P4HA1: variants seen among roughly 807,000 people sequenced by gnomAD.
The protein encoded by P4HA1 is prolyl 4-hydroxylase subunit alpha 1.
In P4HA1, 24 loss-of-function variants were observed where a neutral mutation model predicts 72.8. That is an observed-to-expected ratio of 0.33 (90% CI 0.24 to 0.46). The LOEUF is 0.46. Among genes scored for constraint, P4HA1 ranks in the 20% least tolerant of loss-of-function variants. P4HA1 has a pLI of 1.00. For missense variants in P4HA1, 446 were observed against 640.6 expected, an observed-to-expected ratio of 0.70 and a Z score of 3.28; for synonymous variants, 201 against 218.8, an observed-to-expected ratio of 0.92 and a Z score of 0.72.
intron 9 of P4HA1, among the ~76,000 whole-genome samples, chr10:73,041,329 G>A (rs1840727910): frequency 6.6e-6 from 1 of 152,024 alleles, no homozygotes; most frequent in Non-Finnish European, 1.5e-5. Flanking sequence ...CGGGTCACGA[G>A]GTCAGGAGAT....
chr10:73,052,914 T>G (rs941336554), intron 6 of P4HA1, among the ~76,000 whole-genome samples: 3 of 152,230 alleles, frequency 2.0e-5, no homozygotes, highest in African/African-American at 7.2e-5. Context: ...CTGTTCAAAG[T>G]ACTACTGATA....
intron 3 of P4HA1, 41 bp from the exon 4 acceptor site, chr10:73,072,221 T>G (rs373321149): frequency 2.2e-5 from 33 of 1,515,686 alleles, no homozygotes; most frequent in Non-Finnish European, 3.0e-5. Flanking sequence ...TTATATTTCA[T>G]AGGGAAAAAC....
chr10:73,093,837 C>T (rs1477705460), intron 1 of P4HA1, among the ~76,000 whole-genome samples: 2 of 54,120 alleles, frequency 3.7e-5, no homozygotes, highest in South Asian at 7.9e-4. Flanking sequence ...AGTGAAACTC[C>T]ATCTCAAAAA....
intron 1 of P4HA1, among the ~76,000 whole-genome samples, chr10:73,094,926 C>T (rs905088518): frequency 3.9e-5 from 6 of 152,052 alleles, no homozygotes; most frequent in East Asian, 1.9e-4. Flanking sequence ...TGTAATTATC[C>T]GCCTACCAAA....
chr10:73,012,526 T>C (rs1839928498), intron 12 of P4HA1, among the ~76,000 whole-genome samples: 2 of 152,092 alleles, frequency 1.3e-5, no homozygotes. Context: ...TTACCTCCTT[T>C]TGGAAACAAG....
rs185214848 is a variant in P4HA1, at chr10:73,047,713, A to T, written c.901-612T>A. Among the ~76,000 whole-genome samples, 85 of 152,254 alleles carry T rather than the reference A, an allele frequency of 5.6e-4. 2 individuals carry two copies. Among genetic ancestry groups the T allele is most frequent in the Non-Finnish European group, 4.4e-5 (3 of 68,014 alleles). ...ACAAATTCCCTTCAATCATCTATGT[A>T]TTATATTAATAAGTTATTTTGTTGC... On this transcript the variant is annotated intron_variant, in intron 7 of 14. Transcript: ENST00000394890.
intron 10 of P4HA1, among the ~76,000 whole-genome samples, chr10:73,018,282 C>T (rs1381835814): frequency 2.6e-5 from 4 of 152,164 alleles, no homozygotes; most frequent in African/African-American, 9.7e-5. Context: ...AGCACATCAC[C>T]CTTGGGGAAT....
chr10:73,056,138 G>T (rs897870338), intron 5 of P4HA1, among the ~76,000 whole-genome samples: 1 of 152,090 alleles, frequency 6.6e-6, no homozygotes, highest in African/African-American at 2.4e-5. Context: ...TAGTACTAGG[G>T]GTTGGGGACC....
chr10:73,078,863 C>T (rs1359727332), intron 1 of P4HA1, among the ~76,000 whole-genome samples: 2 of 151,890 alleles, frequency 1.3e-5, no homozygotes, highest in East Asian at 1.9e-4. Context: ...CTGCCTGCCT[C>T]GGCCTCCTAA....
intron 6 of P4HA1, among the ~76,000 whole-genome samples, chr10:73,052,279 T>G (rs1841039411): frequency 6.6e-6 from 1 of 151,988 alleles, no homozygotes; most frequent in South Asian, 2.1e-4. Context: ...AGTAACTAAG[T>G]GTTTAGGATA....
intron 4 of P4HA1, among the ~76,000 whole-genome samples, chr10:73,070,005 T>C (rs531683927): frequency 7.2e-5 from 11 of 152,042 alleles, no homozygotes; most frequent in Admixed American, 4.6e-4. Context: ...AGACGGGGTT[T>C]CACCGTGTTG....
At chr10:73,038,915 C>T (rs1233539674) in intron 9 of P4HA1, among the ~76,000 whole-genome samples, 1 of 110,052 alleles carries the variant, frequency 9.1e-6, no homozygotes, top group Non-Finnish European at 1.7e-5. Context: ...CGTGAGCCAC[C>T]GTGCCCGGCC....
chr10:73,074,592 A>G (rs1382747278), intron 2 of P4HA1, among the ~76,000 whole-genome samples: 1 of 152,204 alleles, frequency 6.6e-6, no homozygotes, highest in Non-Finnish European at 1.5e-5. Flanking sequence ...AAAAAGACTA[A>G]GTATATGCAT....
chr10:73,023,740 C>T (rs1358857225), intron 10 of P4HA1, among the ~76,000 whole-genome samples: 1 of 150,140 alleles, frequency 6.7e-6, no homozygotes, highest in Non-Finnish European at 1.5e-5. Context: ...GGAGACACAT[C>T]TCATGTGCAG....
intron 1 of P4HA1, among the ~76,000 whole-genome samples, chr10:73,087,071 C>T (rs551995528): frequency 5.3e-5 from 8 of 151,860 alleles, no homozygotes; most frequent in African/African-American, 1.7e-4. Context: ...AAACGTTTCT[C>T]CAAAGTAGCT....
intron 9 of P4HA1, among the ~76,000 whole-genome samples, chr10:73,031,716 G>C (rs1187194332): frequency 6.6e-6 from 1 of 152,150 alleles, no homozygotes; most frequent in Non-Finnish European, 1.5e-5. Context: ...TCTGGAACTA[G>C]ACATTGGTTA....
chr10:73,030,403 A>C (rs1219178617), intron 9 of P4HA1, 33 bp from the exon 10 acceptor site: 1 of 1,173,296 alleles, frequency 8.5e-7, no homozygotes, highest in East Asian at 2.4e-5. Context: ...TTTTATTGAT[A>C]ATGTTTCATT....
At chr10:73,016,426 C>G (rs541636481) in intron 11 of P4HA1, among the ~76,000 whole-genome samples, 2 of 152,202 alleles carry the variant, frequency 1.3e-5, no homozygotes, top group African/African-American at 4.8e-5. Flanking sequence ...ATGGTCCCCC[C>G]TTGAATGAAG....
In P4HA1 at chr10:73,038,581, T is replaced by A. The variant is rs1840654930; in HGVS notation, c.1148+6400A>T. Among the ~76,000 whole-genome samples, 3 of 151,842 alleles carry A rather than the reference T, an allele frequency of 2.0e-5. No homozygotes were observed. The South Asian group carries it at 6.2e-4, about 31-fold the overall frequency. ...TGATCTACCCAAAATTATTAGCTTTTTCATTTACAAGCTGTAGTAAATTCT... is the reference window on the plus strand; with the variant it reads ...TGATCTACCCAAAATTATTAGCTTTATCATTTACAAGCTGTAGTAAATTCT... On this transcript the variant is annotated intron_variant, in intron 9 of 14. Transcript: ENST00000394890.
Sources: gnomAD v4.1 joint callset for allele counts (sites outside exome capture counted in the v4.1 genomes callset) on GRCh38, gnomAD v4.1.1 for gene constraint, MANE v1.5 for transcripts, NCBI Gene and HGNC (gene_info 2026-07-23, HGNC 2026-07-21) for gene names.